Variants in DDC observed in about 807,000 individuals in gnomAD.
The protein encoded by DDC is dopa decarboxylase.
Under a neutral mutation model 60.0 loss-of-function variants are expected in DDC, and 43 were observed. The observed-to-expected ratio is 0.72, with a 90% CI of 0.56 to 0.92. The LOEUF is 0.92. Ranked by LOEUF, DDC falls within the 40% of genes least tolerant of loss-of-function variation. The pLI is 0.00. For missense variants in DDC, 573 were observed against 620.2 expected, an observed-to-expected ratio of 0.92 and a Z score of 0.81; for synonymous variants, 232 against 234.6, an observed-to-expected ratio of 0.99 and a Z score of 0.10.
At chr7:50,487,986 C>T (rs189972808) in intron 9 of DDC, among the ~76,000 whole-genome samples, 1 of 152,076 alleles carries the variant, frequency 6.6e-6, no homozygotes, top group African/African-American at 2.4e-5. Context: ...GGTTTAATAG[C>T]AAACAGTTAA....
At chr7:50,528,422 T>G in intron 5 of DDC, 142 bp from the exon 6 acceptor site, 1 of 959,026 alleles carries the variant, frequency 1.0e-6, no homozygotes, top group Non-Finnish European at 1.7e-6. Flanking sequence ...TCCTGACTGC[T>G]CCCTCTCCCC....
intron 1 of DDC, among the ~76,000 whole-genome samples, chr7:50,553,484 C>CTTTTTTTTTTTT (rs5884158): frequency 1.1e-4 from 10 of 90,934 alleles, no homozygotes; most frequent in Non-Finnish European, 1.9e-4. Flanking sequence ...TCTTTCTTTT[C>CTTTTTTTTTTTT]TTTTTTTTTT....
At chr7:50,563,318 A>G (rs945902569) in intron 1 of DDC, among the ~76,000 whole-genome samples, 6 of 152,206 alleles carry the variant, frequency 3.9e-5, no homozygotes, top group African/African-American at 9.6e-5. Context: ...GCATAATGCC[A>G]CTTAAGACAC....
At position 50,528,336 on chromosome 7, in the gene DDC, C is replaced by A; in HGVS notation, c.571-56G>T. Reference sequence around the variant, plus strand: ...ACAGGTGTGTGCATGCAGTTATTACCAGGCCCTGGATCGGCAGAGAGCAGC... The same window carrying A: ...ACAGGTGTGTGCATGCAGTTATTACAAGGCCCTGGATCGGCAGAGAGCAGC... On this transcript the variant is annotated intron_variant, in intron 5 of 14. Coordinates refer to ENST00000444124, the MANE Select transcript of DDC (RefSeq NM_001082971.2). The A allele has an allele frequency of 4.3e-6, 7 of 1,610,986 alleles. No homozygotes were observed. In the South Asian group the frequency reaches 7.7e-5, roughly 18 times the overall value.
At chr7:50,463,579 A>G in intron 13 of DDC, 148 bp from the exon 14 acceptor site, 1 of 723,976 alleles carries the variant, frequency 1.4e-6, no homozygotes, top group Non-Finnish European at 2.5e-6. Context: ...GATGTTACAA[A>G]ATTCAACAAA....
rs145517376 is a variant in DDC at position 50,481,787 on chromosome 7, C to A, written c.945-1924G>T. Among the ~76,000 whole-genome samples, 35 of 152,278 alleles carry A rather than the reference C, an allele frequency of 2.3e-4. No homozygotes were observed. In the East Asian group the frequency reaches 6.7e-3, roughly 29 times the overall value. ...GCAATCTATATTATTTTGCACACTG[C>A]TAAACATACTGTACCATAAACTTAA... On this transcript the variant is annotated intron_variant, in intron 9 of 14. Transcript: ENST00000444124.
rs779932163 is a variant in DDC, at chr7:50,543,957, AG to A, written c.128del (p.Pro43LeufsTer21). The A allele has an allele frequency of 1.2e-5, 20 of 1,614,044 alleles. No homozygotes were observed. The highest frequency in any genetic ancestry group is 8.5e-7 in the Non-Finnish European group (1 of 1,180,040). Reference sequence around the variant, plus strand: ...TGTCTGGCTCCTGAGGGGCAGCGGCAGGGATCAGCGGCCGCAGGTACCCGGG... The same window carrying A: ...TGTCTGGCTCCTGAGGGGCAGCGGCAGGATCAGCGGCCGCAGGTACCCGGG... ...VEPGYLRPLI[P>X]AAAPQEPDTF... On this transcript the variant is annotated frameshift_variant, in exon 2 of 15. Transcript: ENST00000444124. LOFTEE classifies it high-confidence loss of function.
intron 6 of DDC, among the ~76,000 whole-genome samples, chr7:50,523,399 A>G (rs1200773431): frequency 6.6e-6 from 1 of 152,206 alleles, no homozygotes; most frequent in Non-Finnish European, 1.5e-5. Flanking sequence ...AAAGACTGGC[A>G]GAAAACATTG....
At chr7:50,540,832 G>A (rs1000857862) in intron 2 of DDC, among the ~76,000 whole-genome samples, 2 of 152,202 alleles carry the variant, frequency 1.3e-5, no homozygotes, top group African/African-American at 4.8e-5. Context: ...TGGGGACAGG[G>A]GGTTTCAGGA....
At chr7:50,543,215 T>C (rs1322363779) in intron 2 of DDC, 1 of 156,212 alleles carries the variant, frequency 6.4e-6, no homozygotes, top group Non-Finnish European at 1.4e-5. Flanking sequence ...CAGAGCCACT[T>C]TAACCAACAG....
At chr7:50,562,710 G>T (rs1382353559) in intron 1 of DDC, among the ~76,000 whole-genome samples, 2 of 152,228 alleles carry the variant, frequency 1.3e-5, no homozygotes, top group Non-Finnish European at 2.9e-5. Context: ...GGGCTGCACT[G>T]CTCCCTGGAT....
At chr7:50,536,427 A>G (rs1197909960) in intron 4 of DDC, among the ~76,000 whole-genome samples, 1 of 152,210 alleles carries the variant, frequency 6.6e-6, no homozygotes, top group Non-Finnish European at 1.5e-5. Flanking sequence ...CTTTGGCAAA[A>G]TAAACTAAGT....
chr7:50,486,792 A>G (rs1389490116), intron 9 of DDC, among the ~76,000 whole-genome samples: 1 of 152,252 alleles, frequency 6.6e-6, no homozygotes, highest in Non-Finnish European at 1.5e-5. Flanking sequence ...CTTAAAGCTA[A>G]GTCATGCAAG....
At chr7:50,501,439 T>A (rs1237890252) in intron 7 of DDC, among the ~76,000 whole-genome samples, 2 of 152,178 alleles carry the variant, frequency 1.3e-5, no homozygotes, top group African/African-American at 2.4e-5. Context: ...AACTGATCCA[T>A]CCAAGCAGAC....
chr7:50,535,201 G>C (rs1050332507), intron 4 of DDC, among the ~76,000 whole-genome samples: 2 of 151,714 alleles, frequency 1.3e-5, no homozygotes, highest in African/African-American at 4.8e-5. Context: ...TCGTCAACCA[G>C]GCTGGAGTGC....
chr7:50,540,733 G>A (rs1454056373), intron 2 of DDC, among the ~76,000 whole-genome samples: 4 of 152,198 alleles, frequency 2.6e-5, no homozygotes, highest in Admixed American at 2.6e-4. Flanking sequence ...GTGAACACCT[G>A]CCACTCCCTG....
intron 4 of DDC, among the ~76,000 whole-genome samples, chr7:50,535,544 T>C (rs1167762825): frequency 6.6e-6 from 1 of 152,248 alleles, no homozygotes; most frequent in Non-Finnish European, 1.5e-5. Context: ...GGGATGACTC[T>C]GAGCCTGGCC....
At chr7:50,465,267 A>G (rs1035705912) in intron 13 of DDC, among the ~76,000 whole-genome samples, 4 of 152,212 alleles carry the variant, frequency 2.6e-5, no homozygotes, top group Non-Finnish European at 5.9e-5. Context: ...GGATGGGGAA[A>G]GTGGCATGAC....
intron 6 of DDC, among the ~76,000 whole-genome samples, chr7:50,513,316 A>G (rs1389486186): frequency 6.6e-6 from 1 of 152,212 alleles, no homozygotes; most frequent in Non-Finnish European, 1.5e-5. Context: ...GAAGCAGCAG[A>G]AAGGCACTGG....
Sources: allele counts gnomAD v4.1 joint callset (sites outside exome capture counted in the v4.1 genomes callset), GRCh38; gene constraint gnomAD v4.1.1; transcripts MANE v1.5; gene names NCBI Gene and HGNC (gene_info 2026-07-23, HGNC 2026-07-21).